The following TSPAN12 variants were observed in gnomAD, a reference collection of about 807,000 sequenced individuals.
The protein encoded by TSPAN12 is tetraspanin-12.
TSPAN12 carries 19 observed loss-of-function variants against 39.2 expected under a neutral mutation model. The observed-to-expected ratio is 0.49, with a 90% CI of 0.34 to 0.71. The LOEUF is 0.71. TSPAN12 is among the 30% of genes least tolerant of loss of function. The pLI is 0.01. For synonymous variants in TSPAN12, 119 were observed against 124.8 expected, an observed-to-expected ratio of 0.95 and a Z score of 0.31; for missense variants, 314 against 359.9, an observed-to-expected ratio of 0.87 and a Z score of 1.03.
intron 2 of TSPAN12, among the ~76,000 whole-genome samples, chr7:120,850,763 C>G (rs917240701): frequency 6.6e-6 from 1 of 151,578 alleles, no homozygotes; most frequent in African/African-American, 2.4e-5. Flanking sequence ...GATCTTGGCT[C>G]ACTGCAATCT....
intron 2 of TSPAN12, among the ~76,000 whole-genome samples, chr7:120,841,593 T>C (rs958074742): frequency 6.6e-6 from 1 of 150,740 alleles, no homozygotes; most frequent in African/African-American, 2.4e-5. Context: ...TGTTTGGAAA[T>C]ATTAAGAAAC....
chr7:120,815,675 T>C, intron 5 of TSPAN12, 54 bp downstream of exon 5: 2 of 1,496,180 alleles, frequency 1.3e-6, no homozygotes, highest in Non-Finnish European at 1.8e-6. Context: ...AAGTATCTAA[T>C]TTAAAAGGCT....
At chr7:120,817,034 A>G (rs944677849) in intron 4 of TSPAN12, among the ~76,000 whole-genome samples, 1 of 152,152 alleles carries the variant, frequency 6.6e-6, no homozygotes, top group African/African-American at 2.4e-5. Flanking sequence ...AAGATAAAAA[A>G]TCTAATTTTA....
In TSPAN12 at chr7:120,843,701, T is replaced by C. The variant is rs551013824; in HGVS notation, c.67-3592A>G. Among the ~76,000 whole-genome samples, 3 of 152,312 alleles carry C rather than the reference T, an allele frequency of 2.0e-5. No individual in the cohort carries two copies. In the South Asian group the frequency reaches 6.2e-4, roughly 32 times the overall value. ...CATGTCTTGGGATTTACGAATATAA[T>C]AAACTGTCTTCTCAATGGCAGCCAT... On this transcript the variant is annotated intron_variant, in intron 2 of 7. Coordinates refer to ENST00000222747, the MANE Select transcript of TSPAN12 (RefSeq NM_012338.4).
chr7:120,794,489 T>A (rs1175507281), intron 7 of TSPAN12, among the ~76,000 whole-genome samples: 1 of 152,172 alleles, frequency 6.6e-6, no homozygotes, highest in African/African-American at 2.4e-5. Context: ...CCCATCTCTC[T>A]CTCCGGTTCC....
chr7:120,814,889 CCT>C (rs1357884783), intron 5 of TSPAN12, among the ~76,000 whole-genome samples: 40 of 152,248 alleles, frequency 2.6e-4, no homozygotes, highest in African/African-American at 9.1e-4. Context: ...TTCAAATACA[CCT>C]CTTACTTAAG....
chr7:120,833,422 AAAC>A (rs2116445567), intron 4 of TSPAN12, among the ~76,000 whole-genome samples: 1 of 152,112 alleles, frequency 6.6e-6, no homozygotes, highest in South Asian at 2.1e-4. Flanking sequence ...AACAAAAAAA[AAAC>A]AAGGGGAAAT....
intron 7 of TSPAN12, among the ~76,000 whole-genome samples, chr7:120,790,496 T>C (rs1280148310): frequency 6.6e-6 from 1 of 152,102 alleles, no homozygotes; most frequent in Non-Finnish European, 1.5e-5. Context: ...GATTAGAAAG[T>C]AGAAAGATCA....
chr7:120,851,152 A>G (rs1165495355), intron 2 of TSPAN12, among the ~76,000 whole-genome samples: 1 of 152,218 alleles, frequency 6.6e-6, no homozygotes, highest in Non-Finnish European at 1.5e-5. Flanking sequence ...AATATGATTC[A>G]TAAATGTCCT....
intron 2 of TSPAN12, among the ~76,000 whole-genome samples, chr7:120,847,906 A>T (rs1366889591): frequency 6.6e-6 from 1 of 152,156 alleles, no homozygotes; most frequent in Non-Finnish European, 1.5e-5. Context: ...ACAAAGTTTA[A>T]ACTCTTGAGC....
chr7:120,792,680 A>C (rs924720318), intron 7 of TSPAN12, among the ~76,000 whole-genome samples: 6 of 152,238 alleles, frequency 3.9e-5, no homozygotes, highest in African/African-American at 4.8e-5. Flanking sequence ...AACTGAGTAG[A>C]AACTTCAATG....
At chr7:120,819,262 C>T (rs867784686) in intron 4 of TSPAN12, among the ~76,000 whole-genome samples, 13 of 152,088 alleles carry the variant, frequency 8.5e-5, no homozygotes, top group Admixed American at 2.0e-4. Context: ...TTGAGGATAA[C>T]CATGTAAATT....
chr7:120,842,623 G>C (rs1794599540), intron 2 of TSPAN12, among the ~76,000 whole-genome samples: 1 of 151,988 alleles, frequency 6.6e-6, no homozygotes, highest in Non-Finnish European at 1.5e-5. Context: ...GTTTCACAGA[G>C]GGTAAAAACA....
In TSPAN12 at chr7:120,788,354, C is replaced by A; in HGVS notation, c.*238G>T. ...GTGTTCAGTAAAAGTCATACACAGG[C>A]TACACAGTGGGTATGACATCTGTCT... On this transcript the variant is annotated 3_prime_UTR_variant, in exon 8 of 8. Coordinates refer to ENST00000222747, the MANE Select transcript of TSPAN12 (RefSeq NM_012338.4). 2 of 543,302 alleles carry A rather than the reference C, an allele frequency of 3.7e-6. No homozygotes were observed. The highest frequency in any genetic ancestry group is 6.6e-6 in the Non-Finnish European group (2 of 304,204). The allele number at this position is 543,302 out of a possible 1,614,324, so 33.7% of individuals were successfully genotyped here. A position where few individuals can be genotyped will look rare whatever the true frequency, so the allele number is the denominator to read the frequency against.
intron 4 of TSPAN12, among the ~76,000 whole-genome samples, chr7:120,823,091 G>A (rs150828887): frequency 9.9e-5 from 15 of 152,070 alleles, no homozygotes; most frequent in South Asian, 8.3e-4. Flanking sequence ...TGCTTTTTCC[G>A]GAAATTACTG....
At chr7:120,795,618 T>A (rs552707985) in intron 7 of TSPAN12, among the ~76,000 whole-genome samples, 67 of 152,322 alleles carry the variant, frequency 4.4e-4, no homozygotes, top group Middle Eastern at 3.4e-3. Flanking sequence ...TAGGTGCCAA[T>A]ACATGCCAAT....
chr7:120,790,007 T>C (rs764357858), intron 7 of TSPAN12, among the ~76,000 whole-genome samples: 1 of 152,172 alleles, frequency 6.6e-6, no homozygotes, highest in African/African-American at 2.4e-5. Flanking sequence ...GTACACCTGA[T>C]CTGACCAATC....
chr7:120,803,805 G>A (rs952002472), intron 7 of TSPAN12, among the ~76,000 whole-genome samples: 2 of 152,112 alleles, frequency 1.3e-5, no homozygotes, highest in Non-Finnish European at 2.9e-5. Context: ...AAAATTCATG[G>A]AGCAAGCAAT....
chr7:120,851,023 T>C (rs1794760450), intron 2 of TSPAN12, among the ~76,000 whole-genome samples: 2 of 152,168 alleles, frequency 1.3e-5, no homozygotes, highest in Admixed American at 1.3e-4. Context: ...AAAATTTATT[T>C]TAAAAGACCA....
Sources: allele counts gnomAD v4.1 joint callset (sites outside exome capture counted in the v4.1 genomes callset), GRCh38; gene constraint gnomAD v4.1.1; transcripts MANE v1.5; gene names NCBI Gene and HGNC (gene_info 2026-07-23, HGNC 2026-07-21).